RNF170: variants seen among roughly 807,000 people sequenced by gnomAD.
RNF170 encodes ring finger protein 170.
RNF170 carries 12 observed loss-of-function variants against 32.7 expected under a neutral mutation model. That is an observed-to-expected ratio of 0.37 (90% CI 0.24 to 0.60). The LOEUF (loss-of-function observed/expected upper bound fraction) is 0.60, where lower values mean the gene tolerates loss of function less well. Ranked by LOEUF, RNF170 falls within the 20% of genes least tolerant of loss-of-function variation. The probability of loss-of-function intolerance (pLI) is 0.72; values close to 1 mark genes in which losing one functional copy is unlikely to be tolerated. For synonymous variants in RNF170, 91 were observed against 103.6 expected (o/e 0.88, Z 0.74); for missense variants, 212 against 311.2 (o/e 0.68, Z 2.40).
chr8:42,896,441 G>T, intron 1 of RNF170, 43 bp downstream of exon 1: 2 of 452,662 alleles, frequency 4.4e-6, no homozygotes, highest in Non-Finnish European at 8.9e-6. Context: ...GCGGCTCCGC[G>T]GGCCCCGATA....
intron 3 of RNF170, among the ~76,000 whole-genome samples, chr8:42,873,590 T>G (rs529751581): frequency 3.7e-4 from 57 of 152,192 alleles, no homozygotes; most frequent in Non-Finnish European, 7.9e-4. Flanking sequence ...TTCTAGTTAT[T>G]TCTTTGTAGA....
chr8:42,881,497 C>T (rs1360972683), intron 2 of RNF170: 2 of 152,220 alleles, frequency 1.3e-5, no homozygotes, highest in South Asian at 4.1e-4. Flanking sequence ...AATCAACCTA[C>T]ATGACCATCA....
chr8:42,853,041 A>G (rs1037793969), downstream of RNF170, among the ~76,000 whole-genome samples: 7 of 151,464 alleles, frequency 4.6e-5, no homozygotes, highest in Non-Finnish European at 5.9e-5. Flanking sequence ...CAGGAGGATC[A>G]CTGGAGCCCA....
intron 6 of RNF170, among the ~76,000 whole-genome samples, chr8:42,858,573 G>A (rs949837033): frequency 1.3e-4 from 20 of 152,312 alleles, no homozygotes; most frequent in African/African-American, 4.1e-4. Flanking sequence ...AGAATTGAGT[G>A]CTGTCTATGA....
At chr8:42,897,177 C>A, upstream of RNF170, 1 of 1,248,170 alleles carries the variant, frequency 8.0e-7, no homozygotes, top group South Asian at 4.0e-5. Context: ...GTGCGAGAGC[C>A]TCCTCACTTG....
intron 2 of RNF170, among the ~76,000 whole-genome samples, chr8:42,883,334 G>A (rs1805562261): frequency 6.6e-6 from 1 of 152,098 alleles, no homozygotes; most frequent in African/African-American, 2.4e-5. Context: ...TGATGAGGAA[G>A]TTCTAGAAGT....
chr8:42,877,398 T>C (rs868079888), intron 2 of RNF170, among the ~76,000 whole-genome samples: 12 of 152,234 alleles, frequency 7.9e-5, no homozygotes, highest in Middle Eastern at 6.8e-3. Flanking sequence ...CAGGCTGGTC[T>C]TGAACTCCTG....
intron 1 of RNF170, among the ~76,000 whole-genome samples, chr8:42,891,964 A>G (rs1806337453): frequency 6.6e-6 from 1 of 152,194 alleles, no homozygotes; most frequent in Non-Finnish European, 1.5e-5. Context: ...AATAAAGCCA[A>G]TACTTGCTTC....
chr8:42,854,833 C>T lies in RNF170; in HGVS notation c.*1326G>A, dbSNP rs1056187325. 9 of 1,287,250 alleles carry T rather than the reference C, an allele frequency of 7.0e-6. No homozygotes were observed. The highest frequency in any genetic ancestry group is 3.3e-4 in the Middle Eastern group (1 of 3,064). 79.7% of individuals were successfully genotyped at this position (1,287,250 alleles called of 1,614,324 possible). Reference sequence around the variant, plus strand: ...TGAAGTGAGTAAGATCTCCCAGTACCATGTGGTACTGAGTCTTCTCAGATA... The same window carrying T: ...TGAAGTGAGTAAGATCTCCCAGTACTATGTGGTACTGAGTCTTCTCAGATA... On this transcript the variant is annotated 3_prime_UTR_variant, in exon 7 of 7. Coordinates refer to ENST00000527424, the MANE Select transcript of RNF170 (RefSeq NM_030954.4).
At position 42,896,468 on chromosome 8, in the gene RNF170, C is replaced by G. The variant is rs964736735; in HGVS notation, c.-8+16G>C. 3 of 453,686 alleles carry G rather than the reference C, an allele frequency of 6.6e-6. No homozygotes were observed. Among genetic ancestry groups the G allele is most frequent in the Non-Finnish European group, 1.3e-5 (3 of 226,638 alleles). The allele number at this position is 453,686 out of a possible 1,614,324, so 28.1% of individuals were successfully genotyped here. A position where few individuals can be genotyped will look rare whatever the true frequency, so the allele number is the denominator to read the frequency against. On this transcript the variant is annotated intron_variant, in intron 1 of 6. Transcript: ENST00000527424. ...GCCCCGATAGGGTGGGCGTGGCCGC[C>G]GCGCGCCGGACGTACCTCTCCACCG... is the stretch of plus-strand genomic sequence containing the variant.
intron 2 of RNF170, among the ~76,000 whole-genome samples, chr8:42,879,159 G>A (rs746377519): frequency 2.6e-5 from 4 of 152,136 alleles, no homozygotes; most frequent in Non-Finnish European, 5.9e-5. Flanking sequence ...GATGTACAAG[G>A]AGATGAATGT....
At chr8:42,850,512 T>C (rs1802914406), downstream of RNF170, 2 of 446,648 alleles carry the variant, frequency 4.5e-6, no homozygotes, top group Admixed American at 3.5e-5. Flanking sequence ...CCTTGCTTTA[T>C]TTATTAATCT....
chr8:42,888,006 T>C (rs764916212), intron 1 of RNF170, 135 bp from the exon 2 acceptor site: 259 of 734,056 alleles, frequency 3.5e-4, no homozygotes, highest in Non-Finnish European at 5.5e-4. Flanking sequence ...ACAACTCCAG[T>C]GGGGACTGAT....
intron 1 of RNF170, among the ~76,000 whole-genome samples, chr8:42,893,335 T>C (rs1332993822): frequency 2.0e-5 from 3 of 152,208 alleles, no homozygotes; most frequent in African/African-American, 7.2e-5. Context: ...CTGAACCCCA[T>C]CCATCTTGGA....
At chr8:42,872,643 A>G (rs975436872) in intron 3 of RNF170, among the ~76,000 whole-genome samples, 22 of 151,892 alleles carry the variant, frequency 1.4e-4, no homozygotes, top group African/African-American at 5.3e-4. Flanking sequence ...GGGTTTTACC[A>G]TATTGGCCAG....
chr8:42,865,590 A>T (rs1804023230), intron 4 of RNF170, 101 bp from the exon 5 acceptor site: 7 of 886,052 alleles, frequency 7.9e-6, no homozygotes, highest in Non-Finnish European at 1.3e-5. Context: ...TTTTAACAGT[A>T]CCACGTTATT....
intron 3 of RNF170, among the ~76,000 whole-genome samples, chr8:42,870,590 G>A (rs1349456085): frequency 6.6e-6 from 1 of 152,040 alleles, no homozygotes; most frequent in Non-Finnish European, 1.5e-5. Flanking sequence ...AGCCAGGAGT[G>A]GTGGTGGCAT....
chr8:42,855,781 G>A lies in RNF170; in HGVS notation c.*378C>T, dbSNP rs1303392870. 12 of 1,246,944 alleles carry A rather than the reference G, an allele frequency of 9.6e-6. No individual in the cohort carries two copies. The highest frequency in any genetic ancestry group is 1.5e-5 in the African/African-American group (1 of 64,744). 77.2% of individuals were successfully genotyped at this position (1,246,944 alleles called of 1,614,324 possible). ...GCTATATATTATCATATAGGTACCT[G>A]CTGAGAAGGATAAGATGGATAAACT... On this transcript the variant is annotated 3_prime_UTR_variant, in exon 7 of 7. Transcript: ENST00000527424.
chr8:42,886,061 A>G (rs962967408), intron 2 of RNF170, among the ~76,000 whole-genome samples: 2 of 152,064 alleles, frequency 1.3e-5, no homozygotes, highest in Non-Finnish European at 2.9e-5. Flanking sequence ...CGTCTCTACT[A>G]AAAATACAAA....
Sources: gnomAD v4.1 joint callset for allele counts (sites outside exome capture counted in the v4.1 genomes callset) on GRCh38, gnomAD v4.1.1 for gene constraint, MANE v1.5 for transcripts, NCBI Gene and HGNC (gene_info 2026-07-23, HGNC 2026-07-21) for gene names.